TBC1D15: variants seen among roughly 807,000 people sequenced by gnomAD.
TBC1D15 encodes GAP for RAB7.
In TBC1D15, 39 loss-of-function variants were observed where a neutral mutation model predicts 95.4. That is an observed-to-expected ratio of 0.41 (90% CI 0.32 to 0.53). The LOEUF (loss-of-function observed/expected upper bound fraction) is 0.53, where lower values mean the gene tolerates loss of function less well. Ranked by LOEUF, TBC1D15 falls within the 20% of genes least tolerant of loss-of-function variation. The probability of loss-of-function intolerance (pLI) is 0.29; values close to 1 mark genes in which losing one functional copy is unlikely to be tolerated. For missense variants in TBC1D15, 733 were observed against 794.3 expected, an observed-to-expected ratio of 0.92 and a Z score of 0.93; for synonymous variants, 258 against 261.3, an observed-to-expected ratio of 0.99 and a Z score of 0.12.
intron 10 of TBC1D15, among the ~76,000 whole-genome samples, chr12:71,900,897 C>T (rs965111831): frequency 3.9e-5 from 6 of 151,976 alleles, no homozygotes; most frequent in African/African-American, 1.5e-4. Context: ...TCTTACCACT[C>T]CTGTTCAGTG....
In TBC1D15 at chr12:71,872,987, T is replaced by A; in HGVS notation, c.188T>A (p.Ile63Asn). 2 of 1,607,618 alleles carry A rather than the reference T, an allele frequency of 1.2e-6. No homozygotes were observed. Among genetic ancestry groups the A allele is most frequent in the Non-Finnish European group, 1.7e-6 (2 of 1,177,734 alleles). ...GATGATGCATTAGATTCCTCTAGTA[T>A]TCTCTATGCTAGAAAGGTATTTAAG... The part of the protein sequence containing the change: ...PLDDALDSSS[I>N]LYARKDSSSV... The change falls in exon 3 of 17, where the codon ATT becomes AAT. Residue 63 changes from isoleucine (I) to asparagine (N), a missense_variant. Physicochemically the swap from Ile to Asn is moderately radical, Grantham distance 149. Coordinates refer to ENST00000485960, the MANE Select transcript of TBC1D15 (RefSeq NM_001146213.3).
rs890177160 is a variant in TBC1D15 at position 71,896,334 on chromosome 12, C to T, written c.984+259C>T. 9 of 420,658 alleles carry T rather than the reference C, an allele frequency of 2.1e-5. No homozygotes were observed. The East Asian group carries it at 2.8e-4, about 13-fold the overall frequency. 26.1% of individuals were successfully genotyped at this position (420,658 alleles called of 1,614,324 possible). On this transcript the variant is annotated intron_variant, in intron 8 of 16. Transcript: ENST00000485960. ...CTTAACTCTGGGGGAAGAATTCTTC[C>T]GTACTTGAAGTTCTGTGGGTTTTGT...
intron 1 of TBC1D15, chr12:71,854,561 A>G: frequency 2.2e-6 from 1 of 456,626 alleles, no homozygotes; most frequent in Non-Finnish European, 4.4e-6. Flanking sequence ...ACCTTCTGAC[A>G]GGCGACATTA....
At chr12:71,891,566 T>C (rs1299539130) in intron 5 of TBC1D15, among the ~76,000 whole-genome samples, 1 of 152,188 alleles carries the variant, frequency 6.6e-6, no homozygotes, top group Non-Finnish European at 1.5e-5. Flanking sequence ...CCTAGCGGTG[T>C]AACAGTATAC....
intron 13 of TBC1D15, 46 bp downstream of exon 13, chr12:71,917,843 T>A: frequency 7.9e-7 from 1 of 1,268,096 alleles, no homozygotes; most frequent in African/African-American, 1.5e-5. Context: ...TGTAGAGTAA[T>A]GCATAGAAAA....
At chr12:71,912,650 A>G (rs2138998851) in intron 11 of TBC1D15, among the ~76,000 whole-genome samples, 1 of 152,262 alleles carries the variant, frequency 6.6e-6, no homozygotes, top group South Asian at 2.1e-4. Flanking sequence ...TTTATATGAT[A>G]GCAGAACTAT....
At chr12:71,913,678 T>A (rs937557171) in intron 11 of TBC1D15, 148 bp from the exon 12 acceptor site, 2 of 571,540 alleles carry the variant, frequency 3.5e-6, no homozygotes, top group Non-Finnish European at 6.0e-6. Context: ...TCATTTATAT[T>A]CTTTTCTTGG....
chr12:71,915,577 G>A (rs1371999063), intron 12 of TBC1D15, among the ~76,000 whole-genome samples: 1 of 151,762 alleles, frequency 6.6e-6, no homozygotes, highest in African/African-American at 2.4e-5. Context: ...ATACACACAT[G>A]CATACAGACG....
intron 1 of TBC1D15, among the ~76,000 whole-genome samples, chr12:71,870,250 TCTC>T (rs1034391979): frequency 2.0e-5 from 3 of 152,154 alleles, no homozygotes; most frequent in African/African-American, 4.8e-5. Context: ...CTCCTCCCCT[TCTC>T]CTCCTTCTCC....
In TBC1D15 at chr12:71,839,795, G is replaced by T. The variant is rs778191793; in HGVS notation, c.14G>T (p.Gly5Val). 1.2e-6 allele frequency: 2 copies of T among 1,614,190 alleles called. No homozygotes were observed. The highest frequency in any genetic ancestry group is 1.7e-6 in the Non-Finnish European group (2 of 1,180,018). The stretch of plus-strand genomic sequence containing the variant: ...CGCGCAGGAAACATGGCGGCGGCGG[G>T]TGTTGTGAGCGGGAAGGTAGGTAAC... MAAAGVVSGKIIYEQ... is the reference protein window; with the variant it reads MAAAVVVSGKIIYEQ... The change falls in exon 1 of 17, where the codon GGT becomes GTT. Residue 5 changes from glycine (G) to valine (V), a missense_variant. Gly to Val is a moderately radical substitution (Grantham distance 109). Coordinates refer to ENST00000485960, the MANE Select transcript of TBC1D15 (RefSeq NM_001146213.3).
intron 10 of TBC1D15, among the ~76,000 whole-genome samples, chr12:71,901,240 T>TC (rs2138802634): frequency 6.6e-6 from 1 of 152,272 alleles, no homozygotes; most frequent in East Asian, 1.9e-4. Flanking sequence ...CAGGCTGGTC[T>TC]CCAACTCCTG....
chr12:71,888,312 C>T (rs529575376), intron 5 of TBC1D15, among the ~76,000 whole-genome samples: 21 of 151,972 alleles, frequency 1.4e-4, no homozygotes, highest in Admixed American at 1.0e-3. Flanking sequence ...GGTGAAACCC[C>T]GTCTCTACTA....
intron 1 of TBC1D15, among the ~76,000 whole-genome samples, chr12:71,858,364 G>T (rs1331942050): frequency 6.6e-6 from 1 of 152,016 alleles, no homozygotes; most frequent in East Asian, 1.9e-4. Flanking sequence ...GAGCCACCAT[G>T]CCCGGCCACC....
chr12:71,899,936 G>A (rs1898978020), intron 10 of TBC1D15, among the ~76,000 whole-genome samples: 1 of 152,142 alleles, frequency 6.6e-6, no homozygotes, highest in Non-Finnish European at 1.5e-5. Context: ...TCCGGCCTGG[G>A]TGACAGAGCG....
rs1000091078 is a variant in TBC1D15 at position 71,923,282 on chromosome 12, T to A, written c.*78T>A. The A allele has an allele frequency of 3.7e-6, 5 of 1,339,714 alleles. No individual in the cohort carries two copies. In the African/African-American group the frequency reaches 7.2e-5, roughly 19 times the overall value. 83.0% of individuals were successfully genotyped at this position (1,339,714 alleles called of 1,614,324 possible). A position where few individuals can be genotyped will look rare whatever the true frequency, so the allele number is the denominator to read the frequency against. On this transcript the variant is annotated 3_prime_UTR_variant, in exon 17 of 17. Transcript: ENST00000485960. ...GTACTTGAAAGTTGAAAATTTGAAA[T>A]CTTGGTATTGATCATGCTTTAAGGT...
In TBC1D15 at chr12:71,913,879, A is replaced by G. The variant is rs1424220758; in HGVS notation, c.1354A>G (p.Asn452Asp). The G allele has an allele frequency of 6.3e-7, 1 of 1,596,638 alleles. No homozygotes were observed. The highest frequency in any genetic ancestry group is 8.5e-7 in the Non-Finnish European group (1 of 1,174,370). The stretch of plus-strand genomic sequence containing the variant: ...TTCCCCTCTTTTATATGTGATGGAA[A>G]ATGAAGTGGATGCCTTTTGGTGCTT... Reference protein sequence around the residue: ...LLSPLLYVMENEVDAFWCFAS... With the variant: ...LLSPLLYVMEDEVDAFWCFAS... The change falls in exon 12 of 17, where the codon AAT (asparagine) becomes GAT (aspartate). Residue 452 changes from asparagine (N) to aspartate (D), a missense_variant. Transcript: ENST00000485960.
At chr12:71,865,982 G>T (rs1431497608) in intron 1 of TBC1D15, among the ~76,000 whole-genome samples, 1 of 152,084 alleles carries the variant, frequency 6.6e-6, no homozygotes, top group Admixed American at 6.5e-5. Flanking sequence ...GGGAACTGGG[G>T]ATATGGGACT....
At chr12:71,859,001 A>G (rs1476980334) in intron 1 of TBC1D15, among the ~76,000 whole-genome samples, 1 of 151,850 alleles carries the variant, frequency 6.6e-6, no homozygotes, top group East Asian at 1.9e-4. Flanking sequence ...TTGATGACAA[A>G]AAATTAGTCA....
intron 11 of TBC1D15, chr12:71,913,422 T>C (rs1902907459): frequency 6.5e-6 from 1 of 154,438 alleles, no homozygotes; most frequent in Non-Finnish European, 1.4e-5. Flanking sequence ...CTTGATTTTT[T>C]TCTTTACTTC....
Sources: allele counts gnomAD v4.1 joint callset (sites outside exome capture counted in the v4.1 genomes callset), GRCh38; gene constraint gnomAD v4.1.1; transcripts MANE v1.5; gene names NCBI Gene and HGNC (gene_info 2026-07-23, HGNC 2026-07-21).